Variants in MOK observed in about 807,000 individuals in gnomAD.
The protein encoded by MOK is MAPK/MAK/MRK overlapping kinase.
In MOK, 59 loss-of-function variants were observed where a neutral mutation model predicts 54.2. The ratio of observed to expected loss-of-function variants is 1.09; its 90% CI spans 0.88 to 1.35. MOK has a LOEUF of 1.35. MOK is among the 40% of genes most tolerant of loss of function. The pLI is 0.00. For synonymous variants in MOK, 210 were observed against 202.7 expected (o/e 1.04, Z -0.31); for missense variants, 517 against 526.2 (o/e 0.98, Z 0.17).
chr14:102,252,782 T>C (rs941640578), intron 4 of MOK, among the ~76,000 whole-genome samples: 5 of 152,158 alleles, frequency 3.3e-5, no homozygotes, highest in African/African-American at 1.2e-4. Context: ...ACTATTAATA[T>C]ATGGAAGAGA....
intron 1 of MOK, among the ~76,000 whole-genome samples, chr14:102,294,445 C>CAAAA (rs540805039): frequency 3.1e-5 from 2 of 64,054 alleles, no homozygotes; most frequent in Non-Finnish European, 6.5e-5. Flanking sequence ...GACTCCGTCT[C>CAAAA]AAAAAAAAAA....
intron 7 of MOK, among the ~76,000 whole-genome samples, chr14:102,242,054 G>T (rs561650517): frequency 6.6e-6 from 1 of 152,326 alleles, no homozygotes; most frequent in East Asian, 1.9e-4. Context: ...CTGGCCCAAG[G>T]CTCTCTGACT....
intron 1 of MOK, among the ~76,000 whole-genome samples, chr14:102,297,484 G>C (rs188820685): frequency 1.3e-5 from 2 of 152,372 alleles, no homozygotes; most frequent in Non-Finnish European, 2.9e-5. Context: ...ACTAGTGAGA[G>C]GTGATAGCGT....
downstream of MOK, chr14:102,223,030 C>T: frequency 1.1e-6 from 1 of 872,846 alleles, no homozygotes; most frequent in Non-Finnish European, 1.8e-6. Context: ...GACCGGCTCA[C>T]TCTGCGGCGC....
intron 7 of MOK, among the ~76,000 whole-genome samples, chr14:102,242,878 C>A (rs2153099731): frequency 6.6e-6 from 1 of 152,244 alleles, no homozygotes; most frequent in Non-Finnish European, 1.5e-5. Context: ...CTCAAACATG[C>A]TTTCTTTACT....
the MOK span, among the ~76,000 whole-genome samples, chr14:102,217,637 C>T: frequency 6.6e-6 from 1 of 151,980 alleles, no homozygotes; most frequent in African/African-American, 2.4e-5. Flanking sequence ...CTCTGTGGCT[C>T]ACGTGCCGCT....
Position 102,229,344 on chromosome 14 carries a change from T to G in MOK, c.1205A>C (p.Lys402Thr), listed in dbSNP as rs767356918. ...SKKTDPQKDL[K>T]PAPQQCRLPT... Reference sequence around the variant, plus strand: ...CAGGCGACACTGCTGCGGGGCAGGCTTAAGGTCCTTCTGCGGATCTGTCTG... The same window carrying G: ...CAGGCGACACTGCTGCGGGGCAGGCGTAAGGTCCTTCTGCGGATCTGTCTG... Residue 402 changes from lysine (K) to threonine (T), a missense_variant, in exon 12 of 12, where the codon AAG (lysine) becomes ACG (threonine). Coordinates refer to ENST00000361847, the MANE Select transcript of MOK (RefSeq NM_014226.3). 2.5e-6 allele frequency: 4 copies of G among 1,614,158 alleles called. No individual in the cohort carries two copies. The highest frequency in any genetic ancestry group is 3.4e-6 in the Non-Finnish European group (4 of 1,180,020).
At chr14:102,226,177 C>G, downstream of MOK, 2 of 599,816 alleles carry the variant, frequency 3.3e-6, no homozygotes, top group Non-Finnish European at 5.9e-6. This position sits in a 1 kb window ranked among gnomAD's most constrained non-coding sequence, Gnocchi z 4.8. Flanking sequence ...ACTGCTTCTC[C>G]CTGCAAGGCC....
downstream of MOK, chr14:102,223,804 G>T: frequency 6.6e-6 from 1 of 152,212 alleles, no homozygotes. Context: ...CACTTGAGAT[G>T]GGCTGTTCAA....
At chr14:102,279,899 A>G (rs11846750) in intron 2 of MOK, among the ~76,000 whole-genome samples, 33,359 of 151,688 alleles carry the variant, frequency 0.22, 4,591 homozygotes, top group African/African-American at 0.39. Flanking sequence ...ATTAAAGCAT[A>G]GGAAAGGAGC....
chr14:102,271,920 C>T (rs1290934722), intron 2 of MOK, among the ~76,000 whole-genome samples: 1 of 151,954 alleles, frequency 6.6e-6, no homozygotes, highest in Non-Finnish European at 1.5e-5. Context: ...ACTCTGTGGC[C>T]CAGGCTGGAG....
At chr14:102,282,051 A>T (rs1405034598) in intron 2 of MOK, among the ~76,000 whole-genome samples, 1 of 152,134 alleles carries the variant, frequency 6.6e-6, no homozygotes, top group Non-Finnish European at 1.5e-5. Flanking sequence ...TCACATCTCT[A>T]AGCACCTATC....
chr14:102,301,138 C>A (rs1369720973), intron 1 of MOK, among the ~76,000 whole-genome samples: 1 of 152,090 alleles, frequency 6.6e-6, no homozygotes, highest in Non-Finnish European at 1.5e-5. Context: ...TCAGCTCCAG[C>A]CACCATCTGA....
At chr14:102,285,894 AAAAAT>A (rs1242110640) in intron 1 of MOK, among the ~76,000 whole-genome samples, 2 of 152,140 alleles carry the variant, frequency 1.3e-5, no homozygotes, top group Admixed American at 6.5e-5. Context: ...CTCTGTCTCA[AAAAAT>A]AAAATAAAAT....
At chr14:102,260,107 C>T (rs973871969) in intron 4 of MOK, among the ~76,000 whole-genome samples, 50 of 147,690 alleles carry the variant, frequency 3.4e-4, no homozygotes, top group Admixed American at 8.4e-4. Context: ...ACCCGGGAGG[C>T]GGAGGTTGTG....
chr14:102,286,487 T>C (rs1054028930), intron 1 of MOK, among the ~76,000 whole-genome samples: 8 of 151,746 alleles, frequency 5.3e-5, no homozygotes, highest in African/African-American at 1.7e-4. Context: ...GGCACACGCC[T>C]GTCATCCCAG....
intron 2 of MOK, chr14:102,283,257 A>G (rs2069663349): frequency 2.5e-6 from 1 of 399,620 alleles, no homozygotes; most frequent in Non-Finnish European, 4.4e-6. Flanking sequence ...TGAAACTTAA[A>G]CTTTTTTGTG....
chr14:102,248,754 G>A (rs1288667981), intron 7 of MOK, among the ~76,000 whole-genome samples: 2 of 147,912 alleles, frequency 1.4e-5, no homozygotes, highest in African/African-American at 5.0e-5. Flanking sequence ...CTCCAGTCTG[G>A]GCGACAGAGC....
At chr14:102,247,987 G>A (rs533353687) in intron 7 of MOK, among the ~76,000 whole-genome samples, 2 of 152,148 alleles carry the variant, frequency 1.3e-5, no homozygotes, top group Middle Eastern at 3.4e-3. Context: ...GGACCGTATC[G>A]GAGCCTTCAA....
Sources: allele counts gnomAD v4.1 joint callset (sites outside exome capture counted in the v4.1 genomes callset), GRCh38; gene constraint gnomAD v4.1.1; non-coding constraint Gnocchi (gnomAD v3.1); transcripts MANE v1.5; gene names NCBI Gene and HGNC (gene_info 2026-07-23, HGNC 2026-07-21).